RBFOX1: variants seen among roughly 807,000 people sequenced by gnomAD.
RBFOX1 encodes the protein RNA binding fox-1 homolog 1, also known as RNA binding protein fox-1 homolog 1.
RBFOX1 carries 8 observed loss-of-function variants against 57.7 expected under a neutral mutation model. The observed-to-expected ratio is 0.14, with a 90% confidence interval of 0.08 to 0.25. The LOEUF (loss-of-function observed/expected upper bound fraction) is 0.25, where lower values mean the gene tolerates loss of function less well. Among genes scored for constraint, RBFOX1 ranks in the 10% least tolerant of loss-of-function variants. The pLI is 1.00. For missense variants in RBFOX1, 611 were observed against 548.5 expected, an observed-to-expected ratio of 1.11 and a Z score of -1.14; for synonymous variants, 326 against 222.4, an observed-to-expected ratio of 1.47 and a Z score of -4.15.
At chr16:6,273,932 G>C (rs2075511676) in intron 1 of RBFOX1, among the ~76,000 whole-genome samples, 1 of 152,116 alleles carries the variant, frequency 6.6e-6, no homozygotes, top group Non-Finnish European at 1.5e-5. Context: ...TGGCAAGTAA[G>C]CACATGAAAA....
chr16:6,754,481 C>T (rs1221629863), intron 3 of RBFOX1, among the ~76,000 whole-genome samples: 1 of 152,172 alleles, frequency 6.6e-6, no homozygotes, highest in African/African-American at 2.4e-5. Flanking sequence ...ATTTCAGCTC[C>T]TCTTTTTCAT....
At chr16:5,810,755 G>A (rs1390914316) in intron 3 of RBFOX1, among the ~76,000 whole-genome samples, 1 of 152,144 alleles carries the variant, frequency 6.6e-6, no homozygotes, top group Non-Finnish European at 1.5e-5. Context: ...GTTCACTACT[G>A]AGCCTCCTGC....
intron 3 of RBFOX1, among the ~76,000 whole-genome samples, chr16:6,763,100 G>C (rs1226388552): frequency 6.6e-6 from 1 of 152,180 alleles, no homozygotes; most frequent in Non-Finnish European, 1.5e-5. Context: ...TTATGTAAAT[G>C]TCAGACCACT....
intron 3 of RBFOX1, among the ~76,000 whole-genome samples, chr16:5,737,109 C>A (rs749500701): frequency 2.4e-4 from 37 of 152,124 alleles, no homozygotes; most frequent in Non-Finnish European, 4.3e-4. Flanking sequence ...TGCTTGAGGT[C>A]TAATATGGCT....
At chr16:5,971,647 G>A (rs141717225) in intron 4 of RBFOX1, among the ~76,000 whole-genome samples, 6 of 152,280 alleles carry the variant, frequency 3.9e-5, no homozygotes, top group African/African-American at 4.8e-5. Context: ...GCAGTAAAAT[G>A]AGGATAATGA....
chr16:7,478,273 G>C (rs1403388623), intron 4 of RBFOX1, among the ~76,000 whole-genome samples: 1 of 152,188 alleles, frequency 6.6e-6, no homozygotes, highest in Non-Finnish European at 1.5e-5. Flanking sequence ...AGAATGAAGA[G>C]AACACAAAGA....
Position 6,851,581 on chromosome 16 carries a change from C to A in RBFOX1, c.-16+196931C>A, listed in dbSNP as rs1030464084. On this transcript the variant is annotated intron_variant, in intron 3 of 15. Transcript: ENST00000550418. Reference sequence around the variant, plus strand: ...GTTCTCCTCTGCCAAATTGTAAGAGCTTTCCCCTAAGAGATCTTGTCTTAA... The same window carrying A: ...GTTCTCCTCTGCCAAATTGTAAGAGATTTCCCCTAAGAGATCTTGTCTTAA... 4.6e-5 allele frequency among the ~76,000 whole-genome samples: 7 copies of A among 152,128 alleles called. No individual in the cohort carries two copies. In the South Asian group the frequency reaches 1.0e-3, roughly 22 times the overall value.
At chr16:6,058,141 G>A (rs910029063) in intron 1 of RBFOX1, among the ~76,000 whole-genome samples, 13 of 152,210 alleles carry the variant, frequency 8.5e-5, no homozygotes, top group South Asian at 4.2e-4. Flanking sequence ...TGATGGGGTC[G>A]GGGGTGGAAT....
At chr16:7,167,995 AT>A (rs1344644972) in intron 4 of RBFOX1, among the ~76,000 whole-genome samples, 4 of 151,956 alleles carry the variant, frequency 2.6e-5, no homozygotes, top group Non-Finnish European at 5.9e-5. Flanking sequence ...CAAGGTAAGG[AT>A]TTTTTTTAAA....
intron 3 of RBFOX1, among the ~76,000 whole-genome samples, chr16:6,742,024 C>T (rs894084420): frequency 2.0e-5 from 3 of 152,112 alleles, no homozygotes; most frequent in African/African-American, 7.2e-5. Flanking sequence ...GTGTGTGGTT[C>T]TGCATATGTT....
intron 4 of RBFOX1, among the ~76,000 whole-genome samples, chr16:7,397,234 C>T (rs2098156014): frequency 6.6e-6 from 1 of 152,224 alleles, no homozygotes; most frequent in East Asian, 1.9e-4. Flanking sequence ...GAAGTGAAGA[C>T]TTTAGTAAGA....
At chr16:5,983,324 T>A (rs1458511543) in intron 4 of RBFOX1, among the ~76,000 whole-genome samples, 1 of 152,100 alleles carries the variant, frequency 6.6e-6, no homozygotes, top group Non-Finnish European at 1.5e-5. Context: ...GAGGAGAAAA[T>A]ATTCCCTGAC....
intron 2 of RBFOX1, among the ~76,000 whole-genome samples, chr16:6,580,960 C>G (rs1291453329): frequency 1.3e-5 from 2 of 150,414 alleles, no homozygotes; most frequent in Non-Finnish European, 2.9e-5. Context: ...ATTGCAAAGG[C>G]AAGCTTCTGA....
chr16:6,170,652 C>T (rs1041351395), intron 1 of RBFOX1, among the ~76,000 whole-genome samples: 3 of 151,680 alleles, frequency 2.0e-5, no homozygotes, highest in Non-Finnish European at 4.4e-5. Context: ...TTAGGTAAAC[C>T]CGTGTCACGG....
chr16:7,650,333 C>T (rs2064764939), intron 11 of RBFOX1, among the ~76,000 whole-genome samples: 1 of 148,338 alleles, frequency 6.7e-6, no homozygotes, highest in African/African-American at 2.5e-5. Flanking sequence ...TTTTTTTGGC[C>T]AAGGGTACCT....
At chr16:6,826,775 A>G (rs921949456) in intron 3 of RBFOX1, among the ~76,000 whole-genome samples, 1 of 152,166 alleles carries the variant, frequency 6.6e-6, no homozygotes, top group Admixed American at 6.5e-5. Context: ...TTATTATACT[A>G]CAAGAATGAC....
intron 4 of RBFOX1, among the ~76,000 whole-genome samples, chr16:7,346,446 C>T (rs927092739): frequency 3.9e-5 from 6 of 152,108 alleles, no homozygotes; most frequent in African/African-American, 1.2e-4. Context: ...GGACACGACA[C>T]GCGTTTGATA....
chr16:6,949,192 G>A (rs1191000101), intron 3 of RBFOX1, among the ~76,000 whole-genome samples: 6 of 151,912 alleles, frequency 3.9e-5, no homozygotes, highest in Non-Finnish European at 7.4e-5. Context: ...TAGAATAAAA[G>A]CTACAAAAGC....
chr16:7,112,322 A>G (rs1163191783), intron 4 of RBFOX1, among the ~76,000 whole-genome samples: 1 of 150,526 alleles, frequency 6.6e-6, no homozygotes, highest in Non-Finnish European at 1.5e-5. Context: ...CCAGCCTCAG[A>G]CTCCAAAGTA....
Sources: gnomAD v4.1 joint callset for allele counts (sites outside exome capture counted in the v4.1 genomes callset) on GRCh38, gnomAD v4.1.1 for gene constraint, MANE v1.5 for transcripts, NCBI Gene and HGNC (gene_info 2026-07-23, HGNC 2026-07-21) for gene names.